The following STPG2 variants were observed in gnomAD, a reference collection of about 807,000 sequenced individuals.
The protein encoded by STPG2 is sperm-tail PG-rich repeat-containing protein 2.
STPG2 carries 56 observed loss-of-function variants against 54.2 expected under a neutral mutation model. That is an observed-to-expected ratio of 1.03 (90% CI 0.83 to 1.29). The LOEUF (loss-of-function observed/expected upper bound fraction) is 1.29. Ranked by LOEUF, STPG2 falls within the 50% of genes most tolerant of loss-of-function variation. STPG2 has a pLI of 0.00. For missense variants in STPG2, 596 were observed against 544.9 expected (o/e 1.09, Z -0.93); for synonymous variants, 200 against 181.8 (o/e 1.10, Z -0.81).
chr4:97,652,512 T>C (rs1403514610), intron 10 of STPG2, among the ~76,000 whole-genome samples: 1 of 151,930 alleles, frequency 6.6e-6, no homozygotes, highest in Admixed American at 6.6e-5. Flanking sequence ...TAGATTATGA[T>C]GTATGATATT....
At chr4:97,760,969 G>A (rs1725872662) in intron 9 of STPG2, among the ~76,000 whole-genome samples, 1 of 152,090 alleles carries the variant, frequency 6.6e-6, no homozygotes, top group Non-Finnish European at 1.5e-5. Context: ...AGCCAGCAGT[G>A]GCAGGTTGAG....
intron 3 of STPG2, among the ~76,000 whole-genome samples, chr4:98,117,948 C>T (rs1028795341): frequency 6.6e-6 from 1 of 151,996 alleles, no homozygotes; most frequent in African/African-American, 2.4e-5. Flanking sequence ...AGAACAATTT[C>T]TTTTTCTGTA....
rs3046530 is a variant in STPG2 at position 97,793,370 on chromosome 4, T to TACACACACACAC, written c.1204+47391_1204+47402dup. 8.8e-5 allele frequency among the ~76,000 whole-genome samples: 13 copies of TACACACACACAC among 147,974 alleles called. No homozygotes were observed. In the East Asian group the frequency reaches 2.4e-3, roughly 27 times the overall value. ...ATATATAAAATTAGAGTTTTATATA[T>TACACACACACAC]ACACACACACACACACACACACACA... On this transcript the variant is annotated intron_variant, in intron 9 of 10. Transcript: ENST00000295268.
At chr4:97,942,631 T>C (rs1733033150) in intron 8 of STPG2, among the ~76,000 whole-genome samples, 1 of 152,104 alleles carries the variant, frequency 6.6e-6, no homozygotes, top group Non-Finnish European at 1.5e-5. Context: ...ATTAATCTAA[T>C]TGCTATTATT....
chr4:97,865,130 G>T (rs545949582), intron 8 of STPG2, among the ~76,000 whole-genome samples: 1 of 152,210 alleles, frequency 6.6e-6, no homozygotes, highest in East Asian at 1.9e-4. Context: ...CACAGCAAAA[G>T]AAACTATCAT....
intron 9 of STPG2, among the ~76,000 whole-genome samples, chr4:97,756,088 C>T (rs1725724641): frequency 6.6e-6 from 1 of 152,004 alleles, no homozygotes; most frequent in South Asian, 2.1e-4. Flanking sequence ...CTCTCTCTCT[C>T]TGTTGTTTTC....
chr4:97,465,128 C>T (rs1056504258), intron 4 of STPG2, among the ~76,000 whole-genome samples: 20 of 152,236 alleles, frequency 1.3e-4, no homozygotes, highest in African/African-American at 3.4e-4. Flanking sequence ...GAAAGCCTGG[C>T]GCTTTCTAAT....
intron 7 of STPG2, among the ~76,000 whole-genome samples, chr4:97,971,022 A>G (rs563182788): frequency 6.6e-6 from 1 of 152,358 alleles, no homozygotes; most frequent in African/African-American, 2.4e-5. Context: ...TTCTCAAAAG[A>G]AGACAGTAAT....
Position 97,840,856 on chromosome 4 carries a change from G to T in STPG2, c.1121C>A (p.Pro374His). 1 of 1,612,002 alleles carries T rather than the reference G, an allele frequency of 6.2e-7. No homozygotes were observed. The highest frequency in any genetic ancestry group is 1.3e-5 in the African/African-American group (1 of 74,854). ...TTTTCTTTTAGCCACTAAACTACGAGGTGGCATATATTTATGCTTAACTTG... is the reference window on the plus strand; with the variant it reads ...TTTTCTTTTAGCCACTAAACTACGATGTGGCATATATTTATGCTTAACTTG... ...MSQVKHKYMP[P>H]RSLVAKRKHA... is the part of the protein sequence containing the mutation. The change falls in exon 9 of 11, where the codon CCT becomes CAT. Residue 374 changes from proline (P) to histidine (H), a missense_variant. Coordinates refer to ENST00000295268, the MANE Select transcript of STPG2 (RefSeq NM_174952.3).
At position 97,908,939 on chromosome 4, in the gene STPG2, G is replaced by A. The variant is rs531724197; in HGVS notation, c.1044+34958C>T. On this transcript the variant is annotated intron_variant, in intron 8 of 10. Coordinates refer to ENST00000295268, the MANE Select transcript of STPG2 (RefSeq NM_174952.3). ...TAGATGACAAGTTAGTGGGTGCAGC[G>A]CACCAGCATGGCACATGTATACATA... is the stretch of plus-strand genomic sequence containing the variant. Among the ~76,000 whole-genome samples the A allele has an allele frequency of 7.6e-4, 115 of 150,862 alleles. No individual in the cohort carries two copies. The South Asian group carries it at 0.023, about 30-fold the overall frequency.
chr4:97,970,147 C>T (rs193089219), intron 7 of STPG2, among the ~76,000 whole-genome samples: 373 of 152,052 alleles, frequency 2.5e-3, no homozygotes, highest in African/African-American at 8.6e-3. Flanking sequence ...CACTGCTCAA[C>T]GAAATAAAAG....
At position 98,109,177 on chromosome 4, in the gene STPG2, A is replaced by G. The variant is rs1220818275; in HGVS notation, c.500+16T>C. 1 of 1,443,028 alleles carries G rather than the reference A, an allele frequency of 6.9e-7. No individual in the cohort carries two copies. The highest frequency in any genetic ancestry group is 9.5e-7 in the Non-Finnish European group (1 of 1,053,836). 89.4% of individuals were successfully genotyped at this position (1,443,028 alleles called of 1,614,324 possible). A position where few individuals can be genotyped will look rare whatever the true frequency, so the allele number is the denominator to read the frequency against. ...TCAAGAGCTACATTAAAGGTATACT[A>G]TATTTTTTTACTTACTGGACTATAT... On this transcript the variant is annotated intron_variant, in intron 4 of 10. Coordinates refer to ENST00000295268, the MANE Select transcript of STPG2 (RefSeq NM_174952.3).
chr4:97,455,211 G>A (rs887841032), intron 4 of STPG2, among the ~76,000 whole-genome samples: 5 of 152,266 alleles, frequency 3.3e-5, no homozygotes, highest in African/African-American at 1.2e-4. Context: ...ATTGATACAG[G>A]AGTGGGGCAG....
At chr4:97,701,101 G>C (rs1723758955) in intron 10 of STPG2, among the ~76,000 whole-genome samples, 1 of 152,072 alleles carries the variant, frequency 6.6e-6, no homozygotes. Context: ...ATGCAATACT[G>C]TTTCTGATTT....
intron 8 of STPG2, among the ~76,000 whole-genome samples, chr4:97,939,843 G>T (rs183766971): frequency 6.6e-6 from 1 of 152,214 alleles, no homozygotes; most frequent in East Asian, 1.9e-4. Context: ...TCCTGGCATT[G>T]TGCTGTTAGC....
chr4:97,486,239 C>T (rs1462538511), intron 4 of STPG2, among the ~76,000 whole-genome samples: 1 of 151,610 alleles, frequency 6.6e-6, no homozygotes, highest in Non-Finnish European at 1.5e-5. Flanking sequence ...AAAGGCAACC[C>T]ATAGAGTGGG....
chr4:97,458,473 C>T (rs1729581502), intron 4 of STPG2, among the ~76,000 whole-genome samples: 1 of 152,032 alleles, frequency 6.6e-6, no homozygotes, highest in Non-Finnish European at 1.5e-5. Context: ...TTCTAATTTT[C>T]CATGGTTTAT....
Position 97,997,956 on chromosome 4 carries a change from G to T in STPG2, c.613-16638C>A, listed in dbSNP as rs1376135931. On this transcript the variant is annotated intron_variant, in intron 5 of 10. Transcript: ENST00000295268. ...ATTTTTTTAAAAGATAAATCCGACTGCCTATGAAGAAGATATTAAAGAACG... is the reference window on the plus strand; with the variant it reads ...ATTTTTTTAAAAGATAAATCCGACTTCCTATGAAGAAGATATTAAAGAACG... Among the ~76,000 whole-genome samples, 4 of 152,224 alleles carry T rather than the reference G, an allele frequency of 2.6e-5. No individual in the cohort carries two copies. In the South Asian group the frequency reaches 8.3e-4, roughly 32 times the overall value.
intron 10 of STPG2, among the ~76,000 whole-genome samples, chr4:97,560,334 A>T (rs1470704135): frequency 1.3e-5 from 2 of 152,108 alleles, no homozygotes; most frequent in Non-Finnish European, 2.9e-5. Flanking sequence ...ATATTGTAAA[A>T]CTTTGGGTAC....
Sources: allele counts gnomAD v4.1 joint callset (sites outside exome capture counted in the v4.1 genomes callset), GRCh38; gene constraint gnomAD v4.1.1; transcripts MANE v1.5; gene names NCBI Gene and HGNC (gene_info 2026-07-23, HGNC 2026-07-21).